The following RAI14 variants were observed in gnomAD, a reference collection of about 807,000 sequenced individuals.
The protein encoded by RAI14 is retinoic acid induced 14.
RAI14 carries 45 observed loss-of-function variants against 115.4 expected under a neutral mutation model. The ratio of observed to expected loss-of-function variants is 0.39; its 90% CI spans 0.31 to 0.50. The LOEUF (loss-of-function observed/expected upper bound fraction) is 0.50, where lower values mean the gene tolerates loss of function less well. RAI14 is among the 20% of genes least tolerant of loss of function. The pLI, the probability that RAI14 is intolerant of heterozygous loss-of-function variation, is 0.85. For missense variants in RAI14, 939 were observed against 1,131.2 expected, an observed-to-expected ratio of 0.83 and a Z score of 2.44; for synonymous variants, 371 against 415.4, an observed-to-expected ratio of 0.89 and a Z score of 1.30.
intron 2 of RAI14, among the ~76,000 whole-genome samples, chr5:34,725,043 G>C (rs1028887716): frequency 2.0e-5 from 3 of 151,148 alleles, no homozygotes; most frequent in African/African-American, 7.3e-5. Flanking sequence ...TGGAGAGAGA[G>C]AGAGGGAAAA....
chr5:34,779,249 A>G (rs1436168734), intron 3 of RAI14, among the ~76,000 whole-genome samples: 3 of 152,192 alleles, frequency 2.0e-5, no homozygotes, highest in African/African-American at 4.8e-5. Flanking sequence ...ATTTATGACA[A>G]ACCCACAGCC....
At chr5:34,777,734 G>A (rs946509494) in intron 3 of RAI14, among the ~76,000 whole-genome samples, 8 of 152,230 alleles carry the variant, frequency 5.3e-5, no homozygotes, top group South Asian at 2.1e-4. Context: ...AGCCGAGATC[G>A]TGCTATTGCA....
chr5:34,828,480 GAAC>G (rs1343760663), intron 16 of RAI14, among the ~76,000 whole-genome samples: 2 of 150,344 alleles, frequency 1.3e-5, no homozygotes, highest in African/African-American at 4.9e-5. Context: ...GGTGGGGAGG[GAAC>G]AACACAGAGA....
At chr5:34,675,771 A>AC (rs897429374) in intron 1 of RAI14, among the ~76,000 whole-genome samples, 1 of 151,850 alleles carries the variant, frequency 6.6e-6, no homozygotes, top group African/African-American at 2.4e-5. Context: ...GAAAAAAAAA[A>AC]AGGAATGGAA....
chr5:34,763,405 G>A (rs1748940777), intron 3 of RAI14, among the ~76,000 whole-genome samples: 1 of 152,214 alleles, frequency 6.6e-6, no homozygotes, highest in African/African-American at 2.4e-5. Context: ...ATAAACTGAA[G>A]AATGTAATTG....
At chr5:34,807,944 C>T (rs1480321457) in intron 6 of RAI14, 87 bp downstream of exon 6, 2 of 996,316 alleles carry the variant, frequency 2.0e-6, no homozygotes, top group Admixed American at 1.8e-5. Flanking sequence ...ACCTTCCATA[C>T]TATTCCTGGT....
At chr5:34,729,033 C>T (rs975688489) in intron 2 of RAI14, among the ~76,000 whole-genome samples, 10 of 151,966 alleles carry the variant, frequency 6.6e-5, no homozygotes, top group Admixed American at 2.0e-4. Flanking sequence ...GTGAGGGCAT[C>T]GATAAAATAA....
At chr5:34,764,061 G>A (rs1161661390) in intron 3 of RAI14, among the ~76,000 whole-genome samples, 3 of 152,170 alleles carry the variant, frequency 2.0e-5, no homozygotes, top group Non-Finnish European at 4.4e-5. Flanking sequence ...ATGTTGCCCA[G>A]GCTGGTCTCG....
At chr5:34,829,511 C>G (rs1757808376) in intron 16 of RAI14, among the ~76,000 whole-genome samples, 1 of 152,074 alleles carries the variant, frequency 6.6e-6, no homozygotes, top group Non-Finnish European at 1.5e-5. Context: ...ACAGTTTTTT[C>G]TAGAGTTGAC....
At chr5:34,687,293 C>T (rs976003624) in intron 2 of RAI14, among the ~76,000 whole-genome samples, 6 of 152,252 alleles carry the variant, frequency 3.9e-5, no homozygotes, top group South Asian at 2.1e-4. Flanking sequence ...TTCAGAATGT[C>T]GTTTTTAGAA....
At chr5:34,821,365 C>A (rs1456174086) in intron 13 of RAI14, among the ~76,000 whole-genome samples, 1 of 152,084 alleles carries the variant, frequency 6.6e-6, no homozygotes, top group African/African-American at 2.4e-5. Flanking sequence ...AAGAAATAAA[C>A]CAGATTCCAG....
At chr5:34,716,186 A>G (rs1741972404) in intron 2 of RAI14, 2 of 383,046 alleles carry the variant, frequency 5.2e-6, no homozygotes, top group African/African-American at 2.1e-5. Flanking sequence ...TTCAAAGGAC[A>G]AGTATAGGTG....
chr5:34,807,347 G>A (rs1400489242), intron 5 of RAI14, among the ~76,000 whole-genome samples: 2 of 152,134 alleles, frequency 1.3e-5, no homozygotes, highest in African/African-American at 4.8e-5. Context: ...TGGTGACCTT[G>A]ACCAAGGCCA....
intron 3 of RAI14, among the ~76,000 whole-genome samples, chr5:34,789,069 A>G (rs1752639220): frequency 1.3e-5 from 2 of 152,126 alleles, no homozygotes; most frequent in East Asian, 3.9e-4. Flanking sequence ...TTTTATTTAG[A>G]GTTGCCAGCT....
At chr5:34,830,286 C>T (rs577769916) in intron 17 of RAI14, among the ~76,000 whole-genome samples, 28 of 152,164 alleles carry the variant, frequency 1.8e-4, no homozygotes, top group African/African-American at 6.8e-4. Flanking sequence ...GCCCCACCCT[C>T]CCATCATTTA....
intron 3 of RAI14, among the ~76,000 whole-genome samples, chr5:34,788,086 T>C (rs1268682715): frequency 6.6e-6 from 1 of 151,532 alleles, no homozygotes; most frequent in East Asian, 1.9e-4. Flanking sequence ...CTGGCTAATT[T>C]TTTAAATTTT....
At chr5:34,759,258 G>A (rs1273752357) in intron 3 of RAI14, among the ~76,000 whole-genome samples, 1 of 151,470 alleles carries the variant, frequency 6.6e-6, no homozygotes, top group Non-Finnish European at 1.5e-5. Context: ...GCAAGACTCT[G>A]TATCAAAGGG....
In RAI14 at chr5:34,811,902, A is replaced by G; in HGVS notation, c.693A>G (p.Ala231=). Residue 231 remains alanine (A), a synonymous_variant, in exon 9 of 18, where the codon GCA becomes GCG. Coordinates refer to ENST00000265109, the MANE Select transcript of RAI14 (RefSeq NM_015577.3). ...ALHYSKLSEN[A]GIQSLLLSKI... ...ATTATTCCAAACTCTCAGAAAATGC[A>G]GGAATTCAAAGCCTTCTATTATCAA... The G allele has an allele frequency of 3.1e-6, 5 of 1,613,064 alleles. No individual in the cohort carries two copies. Among genetic ancestry groups the G allele is most frequent in the Non-Finnish European group, 4.2e-6 (5 of 1,179,520 alleles).
At chr5:34,672,948 G>C (rs1279182936) in intron 1 of RAI14, among the ~76,000 whole-genome samples, 1 of 151,932 alleles carries the variant, frequency 6.6e-6, no homozygotes, top group Non-Finnish European at 1.5e-5. Context: ...AGGGAAACAA[G>C]CTTCCTTGTT....
Sources: allele counts gnomAD v4.1 joint callset (sites outside exome capture counted in the v4.1 genomes callset), GRCh38; gene constraint gnomAD v4.1.1; transcripts MANE v1.5; gene names NCBI Gene and HGNC (gene_info 2026-07-23, HGNC 2026-07-21).